The following GTF2A1L variants were observed in gnomAD, a reference collection of about 807,000 sequenced individuals.
The protein encoded by GTF2A1L is general transcription factor IIA subunit 1 like, also known as TFIIA-alpha and beta-like factor.
Under a neutral mutation model 49.7 loss-of-function variants are expected in GTF2A1L, and 48 were observed. The ratio of observed to expected loss-of-function variants is 0.97; its 90% CI spans 0.77 to 1.23. GTF2A1L has a LOEUF of 1.23. Among genes scored for constraint, GTF2A1L ranks in the 50% most tolerant of loss-of-function variants. GTF2A1L has a pLI of 0.00. For synonymous variants in GTF2A1L, 246 were observed against 193.5 expected, an observed-to-expected ratio of 1.27 and a Z score of -2.25; for missense variants, 736 against 564.8, an observed-to-expected ratio of 1.30 and a Z score of -3.07.
chr2:48,660,093 A>AT (rs1553379275), intron 6 of GTF2A1L, among the ~76,000 whole-genome samples: 1 of 22,826 alleles, frequency 4.4e-5, no homozygotes, highest in African/African-American at 5.6e-4. Flanking sequence ...ATTCAGTATG[A>AT]TTTTTTTTTT....
At chr2:48,672,087 G>A (rs962500108) in intron 8 of GTF2A1L, among the ~76,000 whole-genome samples, 41 of 152,346 alleles carry the variant, frequency 2.7e-4, no homozygotes, top group Non-Finnish European at 2.6e-4. Context: ...CCTAGAAGTG[G>A]CTAGGAAATG....
chr2:48,629,072 C>G (rs1355718381), intron 3 of GTF2A1L, among the ~76,000 whole-genome samples: 2 of 142,726 alleles, frequency 1.4e-5, no homozygotes, highest in East Asian at 3.9e-4. Flanking sequence ...TGAAACCTGT[C>G]TTTACTAAAA....
Position 48,620,970 on chromosome 2 carries a change from C to G in GTF2A1L, c.123+18C>G, listed in dbSNP as rs778686989. The G allele has an allele frequency of 1.9e-6, 3 of 1,585,594 alleles. No homozygotes were observed. The highest frequency in any genetic ancestry group is 1.2e-5 in the South Asian group (1 of 85,610). ...TGAAGCAGGTTTGTAGCCGATACAA[C>G]TTTTTCTTCCTGTCTTTTGTTGTTT... On this transcript the variant is annotated intron_variant, in intron 2 of 8. Transcript: ENST00000403751.
intron 1 of GTF2A1L, 66 bp downstream of exon 1, chr2:48,617,961 C>A (rs1282160011): frequency 2.0e-6 from 3 of 1,478,234 alleles, no homozygotes; most frequent in Non-Finnish European, 1.8e-6. Context: ...GGCAGCCGAA[C>A]CCTGCACCTT....
chr2:48,639,616 A>G (rs1312574842), intron 3 of GTF2A1L, among the ~76,000 whole-genome samples: 1 of 152,206 alleles, frequency 6.6e-6, no homozygotes, highest in Non-Finnish European at 1.5e-5. Flanking sequence ...AACCTAGGCA[A>G]TACCATCTTG....
chr2:48,644,509 T>C (rs1677382720), intron 4 of GTF2A1L, among the ~76,000 whole-genome samples: 1 of 152,228 alleles, frequency 6.6e-6, no homozygotes, highest in Non-Finnish European at 1.5e-5. Flanking sequence ...TGCTTGTGTA[T>C]ATGTCTGTGT....
Position 48,642,405 on chromosome 2 carries a change from C to T in GTF2A1L, c.251C>T (p.Ser84Leu). 6.3e-7 allele frequency: 1 copy of T among 1,588,890 alleles called. No individual in the cohort carries two copies. The highest frequency in any genetic ancestry group is 8.6e-7 in the Non-Finnish European group (1 of 1,163,424). ...LHQTLQSSTASLVIPAGRTLP... is the reference protein window; with the variant it reads ...LHQTLQSSTALLVIPAGRTLP... ...ATTTATTTTGTTTCCTATGCAGCATCATTAGTTATTCCTGCTGGTAGAACT... is the reference window on the plus strand; with the variant it reads ...ATTTATTTTGTTTCCTATGCAGCATTATTAGTTATTCCTGCTGGTAGAACT... The change falls in exon 4 of 9, where the codon TCA (serine) becomes TTA (leucine). Residue 84 changes from serine (S) to leucine (L), a missense_variant. By Grantham distance (145) the Ser-to-Leu change is moderately radical. Transcript: ENST00000403751.
At chr2:48,677,582 C>T (rs560028154) in intron 8 of GTF2A1L, among the ~76,000 whole-genome samples, 57 of 151,988 alleles carry the variant, frequency 3.8e-4, no homozygotes, top group South Asian at 2.1e-3. Context: ...TGGAGAGTTT[C>T]GACAAGAGAA....
At chr2:48,652,428 C>T (rs1485425544) in intron 6 of GTF2A1L, among the ~76,000 whole-genome samples, 1 of 151,864 alleles carries the variant, frequency 6.6e-6, no homozygotes, top group Non-Finnish European at 1.5e-5. Context: ...CCAGCCTGGT[C>T]AACGTGGTGA....
chr2:48,637,439 A>G (rs1483212979), intron 3 of GTF2A1L, among the ~76,000 whole-genome samples: 3 of 152,238 alleles, frequency 2.0e-5, no homozygotes, highest in African/African-American at 7.2e-5. Context: ...GAACAAAGAT[A>G]CAATATACCA....
At chr2:48,635,038 A>G (rs1572710978) in intron 3 of GTF2A1L, among the ~76,000 whole-genome samples, 1 of 152,192 alleles carries the variant, frequency 6.6e-6, no homozygotes, top group Non-Finnish European at 1.5e-5. Context: ...CTGCACAGTG[A>G]TGAGGGGCAG....
rs1269989496 is a variant in GTF2A1L at position 48,621,268 on chromosome 2, C to A, written c.225C>A (p.His75Gln). ...LFTLQLPHSLHQTLQSSTASL... is the reference protein window; with the variant it reads ...LFTLQLPHSLQQTLQSSTASL... Reference sequence around the variant, plus strand: ...CTCTTCAGTTGCCGCACAGCTTGCACCAAACATTGCAATCGTCAACAGGTT... The same window carrying A: ...CTCTTCAGTTGCCGCACAGCTTGCAACAAACATTGCAATCGTCAACAGGTT... The change falls in exon 3 of 9, where the codon CAC (histidine) becomes CAA (glutamine). Residue 75 changes from histidine (H) to glutamine (Q), a missense_variant. By Grantham distance (24) the His-to-Gln change is conservative (BLOSUM62 0). Transcript: ENST00000403751. 3.1e-6 allele frequency: 5 copies of A among 1,614,066 alleles called. No homozygotes were observed. The highest frequency in any genetic ancestry group is 4.2e-6 in the Non-Finnish European group (5 of 1,180,006).
chr2:48,668,640 G>A, intron 6 of GTF2A1L: 1 of 152,174 alleles, frequency 6.6e-6, no homozygotes, highest in Non-Finnish European at 1.5e-5. Context: ...CATCATCCTG[G>A]CTAACACGGT....
At chr2:48,638,311 A>T (rs1014935233) in intron 3 of GTF2A1L, among the ~76,000 whole-genome samples, 5 of 152,188 alleles carry the variant, frequency 3.3e-5, no homozygotes, top group Non-Finnish European at 7.4e-5. Flanking sequence ...GTTGAACATC[A>T]CTGCAAAAAT....
chr2:48,646,422 A>G (rs376586227), intron 5 of GTF2A1L, 31 bp from the exon 6 acceptor site: 1 of 1,464,184 alleles, frequency 6.8e-7, no homozygotes, highest in Non-Finnish European at 9.0e-7. Context: ...TAATTCTATT[A>G]TACTTACAAT....
At chr2:48,663,736 C>G (rs1234265595) in intron 6 of GTF2A1L, among the ~76,000 whole-genome samples, 2 of 152,044 alleles carry the variant, frequency 1.3e-5, no homozygotes, top group Non-Finnish European at 2.9e-5. Flanking sequence ...ATCTCCCAGG[C>G]TCAAGTGATT....
At chr2:48,622,057 C>G (rs1032579727) in intron 3 of GTF2A1L, among the ~76,000 whole-genome samples, 1 of 152,144 alleles carries the variant, frequency 6.6e-6, no homozygotes. Context: ...GCAGAGTAGT[C>G]TGCAAGAAGT....
chr2:48,673,108 G>A (rs547184350), intron 8 of GTF2A1L, among the ~76,000 whole-genome samples: 1 of 152,246 alleles, frequency 6.6e-6, no homozygotes, highest in South Asian at 2.1e-4. Context: ...CATCCATGTT[G>A]TAACATATAT....
At chr2:48,665,569 C>T (rs1375840579) in intron 6 of GTF2A1L, among the ~76,000 whole-genome samples, 1 of 152,006 alleles carries the variant, frequency 6.6e-6, no homozygotes, top group Non-Finnish European at 1.5e-5. Flanking sequence ...ATGATTTAGT[C>T]TTTGACCATT....
Sources: allele counts gnomAD v4.1 joint callset (sites outside exome capture counted in the v4.1 genomes callset), GRCh38; gene constraint gnomAD v4.1.1; transcripts MANE v1.5; gene names NCBI Gene and HGNC (gene_info 2026-07-23, HGNC 2026-07-21).